The following DNPEP variants were observed in gnomAD, a reference collection of about 807,000 sequenced individuals.
DNPEP encodes aspartyl aminopeptidase.
A neutral mutation model predicts 59.1 loss-of-function variants in DNPEP; 46 were observed. The ratio of observed to expected loss-of-function variants is 0.78; its 90% CI spans 0.61 to 0.99. DNPEP has a LOEUF of 0.99. Ranked by LOEUF, DNPEP falls within the 50% of genes least tolerant of loss-of-function variation. DNPEP has a pLI of 0.00. For missense variants in DNPEP, 617 were observed against 649.9 expected (o/e 0.95, Z 0.55); for synonymous variants, 229 against 242.2 (o/e 0.95, Z 0.50).
Position 219,385,528 on chromosome 2 carries a change from C to A in DNPEP, c.670G>T (p.Glu224Ter). 1 of 1,603,534 alleles carries A rather than the reference C, an allele frequency of 6.2e-7. No homozygotes were observed. Residue 224 changes from glutamate to a stop codon, truncating the protein, a stop_gained, in exon 8 of 15, where the codon GAG becomes TAG. Transcript: ENST00000273075. LOFTEE classifies it high-confidence loss of function. ...GACATGAGGACCGAATGGTGCCGCTCATCCTGAAGAGCAGAAAGATGCTGG... is the reference window on the plus strand; with the variant it reads ...GACATGAGGACCGAATGGTGCCGCTAATCCTGAAGAGCAGAAAGATGCTGG... ...PEPGPLNAVD[E>*]RHHSVLMSLL...
At chr2:219,397,959 A>C (rs923903544) in intron 1 of DNPEP, among the ~76,000 whole-genome samples, 3 of 151,978 alleles carry the variant, frequency 2.0e-5, no homozygotes, top group Admixed American at 6.6e-5. Context: ...GGCGGCAAAC[A>C]CCTGGGCTCA....
At chr2:219,377,400 G>A (rs773400021) in intron 13 of DNPEP, among the ~76,000 whole-genome samples, 6 of 151,428 alleles carry the variant, frequency 4.0e-5, no homozygotes, top group Non-Finnish European at 7.4e-5. Context: ...GCAGCAAGGA[G>A]ACATATCCAG....
At chr2:219,385,927 C>T (rs900762385) in intron 6 of DNPEP, 41 bp downstream of exon 6, 1 of 1,609,182 alleles carries the variant, frequency 6.2e-7, no homozygotes, top group Non-Finnish European at 8.5e-7. Flanking sequence ...TGGTACCATT[C>T]TCCATCCCTC....
chr2:219,374,829 CAG>C (rs1326276100), intron 14 of DNPEP, 24 bp downstream of exon 14: 1 of 1,602,912 alleles, frequency 6.2e-7, no homozygotes, highest in African/African-American at 1.3e-5. Context: ...GCCCAGCTGC[CAG>C]AGAGGGTCTG....
chr2:219,397,196 C>G (rs1010891906), intron 1 of DNPEP, among the ~76,000 whole-genome samples: 1 of 152,016 alleles, frequency 6.6e-6, no homozygotes, highest in Non-Finnish European at 1.5e-5. Context: ...GTGCCAGAGC[C>G]AGCCCCCCTC....
intron 9 of DNPEP, 100 bp from the exon 10 acceptor site, chr2:219,383,314 A>C: frequency 1.0e-6 from 1 of 964,584 alleles, no homozygotes; most frequent in East Asian, 2.5e-5. Context: ...ATCCACCAGC[A>C]CCTTGGGTGT....
intron 9 of DNPEP, 104 bp downstream of exon 9, chr2:219,384,261 TG>T: frequency 9.1e-7 from 1 of 1,094,142 alleles, no homozygotes; most frequent in Non-Finnish European, 1.3e-6. Flanking sequence ...GGGTAGACAA[TG>T]GCCCTCTCTC....
intron 6 of DNPEP, 63 bp downstream of exon 6, chr2:219,385,905 G>A: frequency 1.3e-6 from 2 of 1,591,512 alleles, no homozygotes; most frequent in Non-Finnish European, 1.7e-6. Flanking sequence ...CTACCATTAG[G>A]TAATAATCAC....
chr2:219,399,376 G>A (rs1385303802), intron 1 of DNPEP: 1 of 454,190 alleles, frequency 2.2e-6, no homozygotes, highest in African/African-American at 2.0e-5. Flanking sequence ...TAAACTCTAA[G>A]GCAGTGTTTA....
chr2:219,375,815 A>G (rs1385925565), intron 13 of DNPEP, among the ~76,000 whole-genome samples: 1 of 152,074 alleles, frequency 6.6e-6, no homozygotes, highest in African/African-American at 2.4e-5. Flanking sequence ...ACTACCTCTC[A>G]AAGTGCTGGG....
intron 12 of DNPEP, 34 bp from the exon 13 acceptor site, chr2:219,381,470 C>T (rs759142836): frequency 2.6e-5 from 42 of 1,613,832 alleles, no homozygotes; most frequent in Non-Finnish European, 3.3e-5. Context: ...GAGGTAATGA[C>T]AGGCCCAAAG....
intron 1 of DNPEP, among the ~76,000 whole-genome samples, chr2:219,395,544 A>G (rs556057578): frequency 6.6e-6 from 1 of 152,346 alleles, no homozygotes; most frequent in South Asian, 2.1e-4. Context: ...TATATCTGCC[A>G]TTCAGGGTCA....
At chr2:219,391,006 C>G (rs1380882339), upstream of DNPEP, among the ~76,000 whole-genome samples, 1 of 152,176 alleles carries the variant, frequency 6.6e-6, no homozygotes, top group Non-Finnish European at 1.5e-5. Flanking sequence ...GTTGACTTTT[C>G]AACAACCTGT....
upstream of DNPEP, among the ~76,000 whole-genome samples, chr2:219,392,165 A>G (rs1954026063): frequency 6.6e-6 from 1 of 152,206 alleles, no homozygotes; most frequent in South Asian, 2.1e-4. Flanking sequence ...AGTTTCTGAG[A>G]ATCGTTCTTG....
intron 5 of DNPEP, 74 bp from the exon 6 acceptor site, chr2:219,386,172 AGCAGGGTG>A: frequency 1.4e-6 from 2 of 1,479,182 alleles, no homozygotes; most frequent in South Asian, 2.3e-5. Context: ...ACTCAGACTA[AGCAGGGTG>A]GTCCTCTGAC....
chr2:219,386,447 A>G (rs1953839204), intron 4 of DNPEP, 36 bp from the exon 5 acceptor site: 1 of 1,613,638 alleles, frequency 6.2e-7, no homozygotes, highest in African/African-American at 1.3e-5. Flanking sequence ...AGAAGGCTTC[A>G]TGACGATATG....
In DNPEP at chr2:219,386,104, G is replaced by A. The variant is rs2271456; in HGVS notation, c.460-6C>T. 1,553,857 of 1,613,854 alleles carry A rather than the reference G, an allele frequency of 0.96. 754,863 individuals are homozygous for A. The highest frequency in any genetic ancestry group is 0.99 in the Non-Finnish European group (1,165,374 of 1,179,998). ...AGCCGACCTGAGGTAGGGCACTGCA[G>A]CCAGCCAGGCCAGGTCAGCCCAGGG... On this transcript the variant is annotated splice_region_variant and splice_polypyrimidine_tract_variant and intron_variant, in intron 5 of 14. Transcript: ENST00000273075.
intron 1 of DNPEP, among the ~76,000 whole-genome samples, chr2:219,394,234 A>C (rs1954061636): frequency 6.6e-6 from 1 of 152,090 alleles, no homozygotes; most frequent in Non-Finnish European, 1.5e-5. Context: ...TCAAGGTCAA[A>C]AGCAACCTCC....
intron 10 of DNPEP, among the ~76,000 whole-genome samples, chr2:219,382,801 C>A (rs1381449642): frequency 6.6e-6 from 1 of 152,232 alleles, no homozygotes; most frequent in African/African-American, 2.4e-5. Flanking sequence ...CTCTGTTATG[C>A]AGCTGAGACT....
Sources: allele counts gnomAD v4.1 joint callset (sites outside exome capture counted in the v4.1 genomes callset), GRCh38; gene constraint gnomAD v4.1.1; transcripts MANE v1.5; gene names NCBI Gene and HGNC (gene_info 2026-07-23, HGNC 2026-07-21).